The following SORCS2 variants were observed in gnomAD, a reference collection of about 807,000 sequenced individuals.
The protein encoded by SORCS2 is VPS10 domain-containing receptor SorCS2.
SORCS2 carries 100 observed loss-of-function variants against 141.6 expected under a neutral mutation model. That is an observed-to-expected ratio of 0.71 (90% CI 0.60 to 0.83). The LOEUF (loss-of-function observed/expected upper bound fraction) is 0.83. SORCS2 is among the 40% of genes least tolerant of loss of function. The pLI is 0.00. For missense variants in SORCS2, 1,646 were observed against 1,560.2 expected (o/e 1.05, Z -0.93); for synonymous variants, 789 against 676.9 (o/e 1.17, Z -2.57).
At chr4:7,679,424 A>G (rs1723374598) in intron 9 of SORCS2, among the ~76,000 whole-genome samples, 2 of 152,236 alleles carry the variant, frequency 1.3e-5, no homozygotes, top group South Asian at 2.1e-4. Flanking sequence ...CCTTATTTGA[A>G]AAGGGATTTT....
intron 1 of SORCS2, among the ~76,000 whole-genome samples, chr4:7,279,417 T>A (rs1007210282): frequency 1.3e-5 from 2 of 152,208 alleles, no homozygotes; most frequent in Non-Finnish European, 2.9e-5. Flanking sequence ...AGGAGAGCCT[T>A]CCTGAACCGG....
chr4:7,382,634 A>G (rs1284979155), intron 1 of SORCS2, among the ~76,000 whole-genome samples: 1 of 152,182 alleles, frequency 6.6e-6, no homozygotes, highest in African/African-American at 2.4e-5. Flanking sequence ...AACAGGGTCC[A>G]CAGCTGGAGA....
chr4:7,727,551 A>T (rs1156502194), intron 21 of SORCS2, among the ~76,000 whole-genome samples: 2 of 152,136 alleles, frequency 1.3e-5, no homozygotes, highest in African/African-American at 4.8e-5. Context: ...ATTTAGTTGG[A>T]CAAGTGTGCG....
At chr4:7,437,023 G>T (rs562418949) in intron 2 of SORCS2, among the ~76,000 whole-genome samples, 1 of 152,274 alleles carries the variant, frequency 6.6e-6, no homozygotes, top group South Asian at 2.1e-4. Flanking sequence ...GGGGACTGGG[G>T]TGTTTTCCAA....
At chr4:7,581,359 A>C (rs1174639648) in intron 3 of SORCS2, among the ~76,000 whole-genome samples, 2 of 152,154 alleles carry the variant, frequency 1.3e-5, no homozygotes, top group Non-Finnish European at 2.9e-5. Flanking sequence ...AATAATATCC[A>C]GTTTGGTGAG....
intron 3 of SORCS2, among the ~76,000 whole-genome samples, chr4:7,589,453 T>A (rs7689082): frequency 0.95 from 143,929 of 152,160 alleles, 68,469 homozygotes; most frequent in Non-Finnish European, 1. Context: ...CCCAGGTTGG[T>A]GTGCAGTGGC....
chr4:7,267,529 A>G (rs1714827743), intron 1 of SORCS2, among the ~76,000 whole-genome samples: 2 of 152,282 alleles, frequency 1.3e-5, no homozygotes, highest in African/African-American at 4.8e-5. Flanking sequence ...GATGGAATGG[A>G]TGACAACACC....
chr4:7,377,055 A>C (rs1218979361), intron 1 of SORCS2, among the ~76,000 whole-genome samples: 2 of 152,194 alleles, frequency 1.3e-5, no homozygotes, highest in African/African-American at 2.4e-5. Context: ...GAGGCATATA[A>C]GCATGTGTTT....
intron 1 of SORCS2, among the ~76,000 whole-genome samples, chr4:7,305,706 C>T (rs1350239361): frequency 6.6e-6 from 1 of 152,206 alleles, no homozygotes; most frequent in Admixed American, 6.5e-5. Flanking sequence ...CGTCCACTCC[C>T]AGGTCTAGGG....
At chr4:7,297,098 C>T (rs1398568281) in intron 1 of SORCS2, among the ~76,000 whole-genome samples, 2 of 152,068 alleles carry the variant, frequency 1.3e-5, no homozygotes, top group African/African-American at 4.8e-5. Context: ...GGGGGGTCCT[C>T]CCCACCTCCC....
chr4:7,567,039 C>G (rs760571337), intron 3 of SORCS2, among the ~76,000 whole-genome samples: 1 of 152,226 alleles, frequency 6.6e-6, no homozygotes, highest in Non-Finnish European at 1.5e-5. Context: ...GGACATAGGT[C>G]TACTGACTCC....
chr4:7,290,207 G>A (rs1337813959), intron 1 of SORCS2, among the ~76,000 whole-genome samples: 1 of 152,192 alleles, frequency 6.6e-6, no homozygotes, highest in African/African-American at 2.4e-5. Flanking sequence ...ACAACCCGTG[G>A]CAGCTCTTGT....
chr4:7,539,905 C>A (rs886117460), intron 3 of SORCS2, among the ~76,000 whole-genome samples: 1 of 151,638 alleles, frequency 6.6e-6, no homozygotes, highest in African/African-American at 2.4e-5. Context: ...CGCCCACTCC[C>A]TGTTGTGGAG....
In SORCS2 at chr4:7,723,738, C is replaced by T. The variant is rs373781482; in HGVS notation, c.2466C>T (p.Asp822=). Residue 822 remains aspartate, a synonymous_variant, in exon 19 of 27, where the codon GAC becomes GAT. Coordinates refer to ENST00000507866, the MANE Select transcript of SORCS2 (RefSeq NM_020777.3). The stretch of plus-strand genomic sequence containing the variant: ...CCAAGTACCAGGTAGACCTTGGGGA[C>T]GGCTTCAAGGCCATGTACGTGAACC... ...LTTKYQVDLG[D]GFKAMYVNLT... 47 of 1,613,874 alleles carry T rather than the reference C, an allele frequency of 2.9e-5. No homozygotes were observed. In the African/African-American group the frequency reaches 4.4e-4, roughly 15 times the overall value.
chr4:7,600,787 G>A (rs1265545432), intron 3 of SORCS2, among the ~76,000 whole-genome samples: 3 of 151,616 alleles, frequency 2.0e-5, no homozygotes, highest in Non-Finnish European at 4.4e-5. Flanking sequence ...CAAATATTTT[G>A]TCTTCAAATC....
chr4:7,434,150 G>A (rs1234266136), intron 2 of SORCS2: 9 of 1,613,912 alleles, frequency 5.6e-6, no homozygotes, highest in Non-Finnish European at 7.6e-6. Flanking sequence ...AGCTCCTGCG[G>A]GGGGAGAAGC....
rs117962030 is a variant in SORCS2, at chr4:7,325,140, C to T, written c.481-71148C>T. On this transcript the variant is annotated intron_variant, in intron 1 of 26. Transcript: ENST00000507866. ...GGTCCCCAGGCCCCCTTGGGTGGGG[C>T]GGGTGTTGGCCCCATCTGCAGATGA... Among the ~76,000 whole-genome samples, 85 of 152,288 alleles carry T rather than the reference C, an allele frequency of 5.6e-4. No homozygotes were observed. The East Asian group carries it at 0.014, about 25-fold the overall frequency.
Position 7,284,028 on chromosome 4 carries a change from G to A in SORCS2, c.480+90902G>A, listed in dbSNP as rs184794272. Among the ~76,000 whole-genome samples, 127 of 152,268 alleles carry A rather than the reference G, an allele frequency of 8.3e-4. 1 individual carries two copies. The highest frequency in any genetic ancestry group is 2.9e-3 in the African/African-American group (120 of 41,554). On this transcript the variant is annotated intron_variant, in intron 1 of 26. Transcript: ENST00000507866. ...TGGGGATGTACAACGTTACTACAGCGTCTGATCTGGGGACACCTGGAGTAA... is the reference window on the plus strand; with the variant it reads ...TGGGGATGTACAACGTTACTACAGCATCTGATCTGGGGACACCTGGAGTAA...
chr4:7,311,780 A>G (rs1718199146), intron 1 of SORCS2, among the ~76,000 whole-genome samples: 1 of 152,258 alleles, frequency 6.6e-6, no homozygotes, highest in Non-Finnish European at 1.5e-5. Flanking sequence ...TTTTGTATAC[A>G]TGCAGGATAT....
Sources: allele counts gnomAD v4.1 joint callset (sites outside exome capture counted in the v4.1 genomes callset), GRCh38; gene constraint gnomAD v4.1.1; transcripts MANE v1.5; gene names NCBI Gene and HGNC (gene_info 2026-07-23, HGNC 2026-07-21).